PKNOX2: variants seen among roughly 807,000 people sequenced by gnomAD.
PKNOX2 encodes PBX/knotted 1 homeobox 2, also known as homeobox protein PKNOX2.
In PKNOX2, 14 loss-of-function variants were observed where a neutral mutation model predicts 53.1. The ratio of observed to expected loss-of-function variants is 0.26; its 90% CI spans 0.17 to 0.41. The LOEUF is 0.41. Ranked by LOEUF, PKNOX2 falls within the 10% of genes least tolerant of loss-of-function variation. The pLI is 1.00. For synonymous variants in PKNOX2, 257 were observed against 242.8 expected, an observed-to-expected ratio of 1.06 and a Z score of -0.54; for missense variants, 496 against 602.8, an observed-to-expected ratio of 0.82 and a Z score of 1.85.
chr11:125,198,340 G>A (rs1397528979), intron 1 of PKNOX2, among the ~76,000 whole-genome samples: 2 of 152,208 alleles, frequency 1.3e-5, no homozygotes, highest in Admixed American at 6.5e-5. Context: ...AGGCCAGAAG[G>A]CGAAGGTGGG....
chr11:125,348,053 C>T (rs1441623309), intron 3 of PKNOX2, among the ~76,000 whole-genome samples: 2 of 152,138 alleles, frequency 1.3e-5, no homozygotes, highest in Non-Finnish European at 2.9e-5. Flanking sequence ...GCCTGCTGCT[C>T]CCCTCCCTCT....
intron 1 of PKNOX2, among the ~76,000 whole-genome samples, chr11:125,216,528 G>C (rs369548188): frequency 2.6e-5 from 4 of 152,126 alleles, no homozygotes; most frequent in Non-Finnish European, 5.9e-5. Context: ...TTCTCCCCTC[G>C]TTCCCTTCCC....
At chr11:125,390,468 C>T (rs768857693) in intron 6 of PKNOX2, among the ~76,000 whole-genome samples, 81 of 152,216 alleles carry the variant, frequency 5.3e-4, no homozygotes, top group Non-Finnish European at 8.5e-4. Context: ...CAGTGCAACT[C>T]TGAGGAGTCA....
chr11:125,401,354 C>T (rs563723613), intron 7 of PKNOX2, among the ~76,000 whole-genome samples: 297 of 152,244 alleles, frequency 2.0e-3, no homozygotes, highest in Non-Finnish European at 3.1e-3. Context: ...TGGCTCAGTG[C>T]GCAGCCAGGG....
At chr11:125,392,013 A>G (rs1008233747) in intron 6 of PKNOX2, among the ~76,000 whole-genome samples, 2 of 152,224 alleles carry the variant, frequency 1.3e-5, no homozygotes, top group African/African-American at 4.8e-5. Context: ...AGGATAGAGG[A>G]TGATTTACTA....
At chr11:125,386,713 A>AACACACAC (rs3138544) in intron 6 of PKNOX2, among the ~76,000 whole-genome samples, 3,469 of 141,080 alleles carry the variant, frequency 0.025, 133 homozygotes, top group African/African-American at 0.071. Context: ...GAAGAAAAAG[A>AACACACAC]ACACACACAC....
intron 7 of PKNOX2, among the ~76,000 whole-genome samples, chr11:125,398,410 G>A (rs1026133855): frequency 6.6e-6 from 1 of 152,232 alleles, no homozygotes; most frequent in African/African-American, 2.4e-5. Flanking sequence ...GCTGGGACAG[G>A]CTTCTTAAGA....
At chr11:125,348,090 C>A (rs1489803026) in intron 3 of PKNOX2, among the ~76,000 whole-genome samples, 2 of 152,216 alleles carry the variant, frequency 1.3e-5, no homozygotes, top group African/African-American at 4.8e-5. Context: ...AAAGGGCAGG[C>A]TTCCCCCAAA....
chr11:125,274,620 C>A (rs958486760), intron 2 of PKNOX2, among the ~76,000 whole-genome samples: 2 of 152,218 alleles, frequency 1.3e-5, no homozygotes, highest in Non-Finnish European at 2.9e-5. Flanking sequence ...TGGAACATGT[C>A]GGCTGCAGCT....
chr11:125,298,950 T>C (rs573059054), intron 2 of PKNOX2, among the ~76,000 whole-genome samples: 1 of 152,300 alleles, frequency 6.6e-6, no homozygotes, highest in East Asian at 1.9e-4. Flanking sequence ...TGCATTGCCA[T>C]CGAGAAGTAC....
intron 2 of PKNOX2, among the ~76,000 whole-genome samples, chr11:125,271,783 T>C (rs1945812802): frequency 6.6e-6 from 1 of 152,032 alleles, no homozygotes; most frequent in South Asian, 2.1e-4. Context: ...CTCCAGCTCA[T>C]AGCCCAGATG....
At chr11:125,423,765 G>A (rs1190731854) in intron 10 of PKNOX2, among the ~76,000 whole-genome samples, 1 of 152,126 alleles carries the variant, frequency 6.6e-6, no homozygotes, top group Non-Finnish European at 1.5e-5. Flanking sequence ...CATCTGAGAG[G>A]GCTTCACTTA....
At chr11:125,356,168 C>A in intron 4 of PKNOX2, among the ~76,000 whole-genome samples, 1 of 152,246 alleles carries the variant, frequency 6.6e-6, no homozygotes, top group East Asian at 1.9e-4. Flanking sequence ...ATGCTTCAGT[C>A]TGCGTGTCCC....
chr11:125,226,993 G>A (rs1941753815), intron 1 of PKNOX2, among the ~76,000 whole-genome samples: 1 of 151,954 alleles, frequency 6.6e-6, no homozygotes, highest in South Asian at 2.1e-4. Flanking sequence ...TCCTTGGACT[G>A]ATGAGCTGCT....
intron 2 of PKNOX2, among the ~76,000 whole-genome samples, chr11:125,262,843 G>T (rs1433655819): frequency 6.6e-6 from 1 of 151,894 alleles, no homozygotes; most frequent in African/African-American, 2.4e-5. Context: ...GTTCCCTCCT[G>T]CTCCTCTACT....
In PKNOX2 at chr11:125,199,033, GT is replaced by G. The variant is rs766611667; in HGVS notation, c.-201+34261del. On this transcript the variant is annotated intron_variant, in intron 1 of 12. Coordinates refer to ENST00000298282, the MANE Select transcript of PKNOX2 (RefSeq NM_001382323.2). ...TTTTTGCATTTTCAGTAGAGACAGG[GT>G]TTTGTCATGTTGGCCAGGCTGATCT... Among the ~76,000 whole-genome samples, 6 of 152,168 alleles carry G rather than the reference GT, an allele frequency of 3.9e-5. No homozygotes were observed. In the East Asian group the frequency reaches 1.2e-3, roughly 29 times the overall value.
At chr11:125,294,134 T>C (rs763110588) in intron 2 of PKNOX2, among the ~76,000 whole-genome samples, 2 of 152,254 alleles carry the variant, frequency 1.3e-5, no homozygotes, top group Non-Finnish European at 2.9e-5. Flanking sequence ...TTTCAGACTA[T>C]TATTTCCATG....
At chr11:125,409,832 G>A (rs1955389751) in intron 7 of PKNOX2, among the ~76,000 whole-genome samples, 1 of 151,976 alleles carries the variant, frequency 6.6e-6, no homozygotes, top group African/African-American at 2.4e-5. Context: ...CCAGAGCCCA[G>A]GACACACTCC....
intron 1 of PKNOX2, among the ~76,000 whole-genome samples, chr11:125,218,162 G>A (rs1345426095): frequency 1.3e-5 from 2 of 152,062 alleles, no homozygotes; most frequent in East Asian, 1.9e-4. Flanking sequence ...GCCTGAGGGG[G>A]CATCTGTGGG....
Sources: gnomAD v4.1 joint callset for allele counts (sites outside exome capture counted in the v4.1 genomes callset) on GRCh38, gnomAD v4.1.1 for gene constraint, MANE v1.5 for transcripts, NCBI Gene and HGNC (gene_info 2026-07-23, HGNC 2026-07-21) for gene names.